ZNF234: variants seen among roughly 807,000 people sequenced by gnomAD.
ZNF234 encodes the protein C2-H2 type zinc finger protein.
In ZNF234, 4 loss-of-function variants were observed where a neutral mutation model predicts 10.3. The observed-to-expected ratio is 0.39, with a 90% CI of 0.19 to 0.89. ZNF234 has a LOEUF of 0.89. Ranked by LOEUF, ZNF234 falls within the 40% of genes least tolerant of loss-of-function variation. The pLI, the probability that ZNF234 is intolerant of heterozygous loss-of-function variation, is 0.38. For missense variants in ZNF234, 711 were observed against 836.1 expected (o/e 0.85, Z 1.85); for synonymous variants, 258 against 280.1 (o/e 0.92, Z 0.79).
Position 44,158,354 on chromosome 19 carries a change from T to G in ZNF234, c.*235T>G. On this transcript the variant is annotated 3_prime_UTR_variant, in exon 6 of 6. Coordinates refer to ENST00000426739, the MANE Select transcript of ZNF234 (RefSeq NM_006630.3). ...CTCACTGTAACCTCCACTTCCCGGG[T>G]TCAAGTGATTCTCCTGCCTCAGTGG... 2 of 476,452 alleles carry G rather than the reference T, an allele frequency of 4.2e-6. No homozygotes were observed. Among genetic ancestry groups the G allele is most frequent in the Non-Finnish European group, 7.7e-6 (2 of 261,062 alleles). The allele number at this position is 476,452 out of a possible 1,614,324, so 29.5% of individuals were successfully genotyped here.
At chr19:44,150,581 A>G (rs1968716591) in intron 5 of ZNF234, 76 bp downstream of exon 5, 4 of 1,290,154 alleles carry the variant, frequency 3.1e-6, no homozygotes, top group Non-Finnish European at 2.1e-6. Context: ...TCTTGCTGCC[A>G]TCGGGTCCAA....
chr19:44,150,374 A>G, intron 4 of ZNF234, 39 bp from the exon 5 acceptor site: 4 of 1,498,064 alleles, frequency 2.7e-6, no homozygotes, highest in Non-Finnish European at 3.6e-6. Flanking sequence ...TTGTACCTTT[A>G]GTGTGTTTGT....
Position 44,157,586 on chromosome 19 carries a change from G to A in ZNF234, c.1570G>A (p.Ala524Thr), listed in dbSNP as rs1043885665. The A allele has an allele frequency of 2.2e-5, 35 of 1,613,442 alleles. No individual in the cohort carries two copies. Among genetic ancestry groups the A allele is most frequent in the Non-Finnish European group, 3.0e-5 (35 of 1,179,864 alleles). Residue 524 changes from alanine to threonine, a missense_variant, in exon 6 of 6, where the codon GCC becomes ACC. By Grantham distance (58) the Ala-to-Thr change is moderately conservative. Coordinates refer to ENST00000426739, the MANE Select transcript of ZNF234 (RefSeq NM_006630.3). ...GGAGTGTGGGAAGGTCTTCAGTCAG[G>A]CCTCGCATCTTCTAACCCATCAGAG... ...CEECGKVFSQ[A>T]SHLLTHQRVH...
Position 44,147,583 on chromosome 19 carries a change from T to C in ZNF234, c.16-1188T>C, listed in dbSNP as rs566794651. On this transcript the variant is annotated intron_variant, in intron 3 of 5. Coordinates refer to ENST00000426739, the MANE Select transcript of ZNF234 (RefSeq NM_006630.3). ...ACGAAGGTAAGATCTGACAGTCGGGTGACTCATGCCTGTAATCCCAGAACT... is the reference window on the plus strand; with the variant it reads ...ACGAAGGTAAGATCTGACAGTCGGGCGACTCATGCCTGTAATCCCAGAACT... Among the ~76,000 whole-genome samples, 10 of 152,244 alleles carry C rather than the reference T, an allele frequency of 6.6e-5. No homozygotes were observed. In the South Asian group the frequency reaches 1.2e-3, roughly 19 times the overall value.
chr19:44,150,465 T>C lies in ZNF234; in HGVS notation c.195T>C (p.Leu65=). 1 of 1,589,888 alleles carries C rather than the reference T, an allele frequency of 6.3e-7. No individual in the cohort carries two copies. The highest frequency in any genetic ancestry group is 8.6e-7 in the Non-Finnish European group (1 of 1,167,370). Residue 65 remains leucine, a synonymous_variant, in exon 5 of 6, where the codon CTT becomes CTC. Transcript: ENST00000426739. ...TCCTTTTAGAAAAGGAAAAAAAGCT[T>C]GATATAATGAAGACAGCAACTCAAA... ...DVFLLEKEKK[L]DIMKTATQRK... is the part of the protein sequence containing the mutation.
At chr19:44,153,165 CAT>C (rs10528022) in intron 5 of ZNF234, among the ~76,000 whole-genome samples, 207 of 97,736 alleles carry the variant, frequency 2.1e-3, no homozygotes, top group Non-Finnish European at 2.8e-3. Context: ...ATGTATTCAT[CAT>C]ATATATATAT....
Position 44,156,378 on chromosome 19 carries a change from T to A in ZNF234, c.362T>A (p.Ile121Asn), listed in dbSNP as rs781631728. The A allele has an allele frequency of 5.6e-6, 9 of 1,613,616 alleles. No homozygotes were observed. Among genetic ancestry groups the A allele is most frequent in the Middle Eastern group, 1.7e-4 (1 of 6,060 alleles). The change falls in exon 6 of 6, where the codon ATT becomes AAT. Residue 121 changes from isoleucine (I) to asparagine (N), a missense_variant. Transcript: ENST00000426739. ...LIKYEDSMISISRFPRQGDLS... is the reference protein window; with the variant it reads ...LIKYEDSMISNSRFPRQGDLS... ...AAGTATGAAGACTCTATGATAAGTATTTCTCGGTTCCCCAGACAAGGTGAT... is the reference window on the plus strand; with the variant it reads ...AAGTATGAAGACTCTATGATAAGTAATTCTCGGTTCCCCAGACAAGGTGAT...
chr19:44,151,121 G>A (rs1968734809), intron 5 of ZNF234, among the ~76,000 whole-genome samples: 1 of 151,922 alleles, frequency 6.6e-6, no homozygotes, highest in Non-Finnish European at 1.5e-5. Context: ...GTGGTCTGCT[G>A]TTCATCCTCC....
chr19:44,145,088 C>T (rs58778698), intron 3 of ZNF234, among the ~76,000 whole-genome samples: 50,934 of 151,954 alleles, frequency 0.34, 8,736 homozygotes, highest in Middle Eastern at 0.42. Flanking sequence ...GCGTATTGAG[C>T]GACAACTGTA....
chr19:44,156,974 G>A lies in ZNF234; in HGVS notation c.958G>A (p.Asp320Asn), dbSNP rs769834173. 6.2e-7 allele frequency: 1 copy of A among 1,614,020 alleles called. No individual in the cohort carries two copies. The highest frequency in any genetic ancestry group is 1.1e-5 in the South Asian group (1 of 91,080). ...AGGAGAGAAACCATACAAATGTGAG[G>A]ACTGTGGTAAGTGTTTCACTTGTAG... ...HTGEKPYKCE[D>N]CGKCFTCSSN... The change falls in exon 6 of 6, where the codon GAC (aspartate) becomes AAC (asparagine). Residue 320 changes from aspartate to asparagine, a missense_variant. Asp to Asn is a conservative substitution (Grantham distance 23). Transcript: ENST00000426739.
At position 44,150,442 on chromosome 19, in the gene ZNF234, CT is replaced by C; in HGVS notation, c.176del (p.Leu59Ter). ...TCACCCCTTCAAACATGATGTATTC[CT>C]TTTAGAAAAGGAAAAAAAGCTTGAT... ...GHHPFKHDVF[L>X]LEKEKKLDIM... On this transcript the variant is annotated frameshift_variant, in exon 5 of 6. Transcript: ENST00000426739. LOFTEE classifies it high-confidence loss of function. The C allele has an allele frequency of 6.3e-7, 1 of 1,588,666 alleles. No homozygotes were observed. The highest frequency in any genetic ancestry group is 8.6e-7 in the Non-Finnish European group (1 of 1,166,910).
In ZNF234 at chr19:44,157,658, A is replaced by G. The variant is rs754453596; in HGVS notation, c.1642A>G (p.Ser548Gly). The G allele has an allele frequency of 7.4e-6, 12 of 1,613,454 alleles. No homozygotes were observed. The highest frequency in any genetic ancestry group is 3.3e-5 in the South Asian group (3 of 91,056). Residue 548 changes from serine to glycine, a missense_variant, in exon 6 of 6, where the codon AGC (serine) becomes GGC (glycine). Ser to Gly is a moderately conservative substitution (Grantham distance 56). Coordinates refer to ENST00000426739, the MANE Select transcript of ZNF234 (RefSeq NM_006630.3). ...KPFKCEECGKSFSRSAHLQAH... is the reference protein window; with the variant it reads ...KPFKCEECGKGFSRSAHLQAH... ...ATTTAAATGTGAAGAGTGTGGGAAG[A>G]GCTTCAGTCGGAGTGCACACCTTCA...
At position 44,157,641 on chromosome 19, in the gene ZNF234, G is replaced by T; in HGVS notation, c.1625G>T (p.Cys542Phe). ...CACAGTGGGGAAAAACCATTTAAAT[G>T]TGAAGAGTGTGGGAAGAGCTTCAGT... ...RVHSGEKPFK[C>F]EECGKSFSRS... The change falls in exon 6 of 6, where the codon TGT becomes TTT. Residue 542 changes from cysteine to phenylalanine, a missense_variant. Cys to Phe is a radical substitution (Grantham distance 205). Transcript: ENST00000426739. The T allele has an allele frequency of 6.2e-7, 1 of 1,614,102 alleles. No homozygotes were observed. The highest frequency in any genetic ancestry group is 1.3e-5 in the African/African-American group (1 of 75,008).
chr19:44,148,547 G>A (rs1008698535), intron 3 of ZNF234: 6 of 610,560 alleles, frequency 9.8e-6, no homozygotes, highest in Non-Finnish European at 1.8e-5. Flanking sequence ...ACTCAGTGAA[G>A]CCACAAAGGA....
intron 5 of ZNF234, among the ~76,000 whole-genome samples, chr19:44,151,477 A>G (rs1731727337): frequency 6.6e-6 from 1 of 152,190 alleles, no homozygotes; most frequent in South Asian, 2.1e-4. Flanking sequence ...GATTACAGGC[A>G]TGAGCCACTG....
intron 5 of ZNF234, among the ~76,000 whole-genome samples, chr19:44,152,803 C>T (rs1049392227): frequency 1.3e-5 from 2 of 152,108 alleles, no homozygotes; most frequent in Non-Finnish European, 2.9e-5. Context: ...TTCCAAAGTG[C>T]CCATCCGTAT....
chr19:44,149,238 G>A (rs1472518333), intron 4 of ZNF234, among the ~76,000 whole-genome samples: 1 of 152,098 alleles, frequency 6.6e-6, no homozygotes, highest in Admixed American at 6.6e-5. Context: ...TCGGGAGTTC[G>A]AGACCAGCCT....
intron 5 of ZNF234, 31 bp downstream of exon 5, chr19:44,150,536 C>T (rs545423111): frequency 1.2e-5 from 18 of 1,511,666 alleles, no homozygotes; most frequent in South Asian, 4.9e-5. Context: ...AGTCCTTGTA[C>T]GTGATTGTCC....
At chr19:44,147,957 A>T (rs8103838) in intron 3 of ZNF234, among the ~76,000 whole-genome samples, 77,790 of 152,140 alleles carry the variant, frequency 0.51, 22,495 homozygotes, top group African/African-American at 0.8. Flanking sequence ...ATATTCATTA[A>T]TTAGAACAGG....
Sources: allele counts gnomAD v4.1 joint callset (sites outside exome capture counted in the v4.1 genomes callset), GRCh38; gene constraint gnomAD v4.1.1; transcripts MANE v1.5; gene names NCBI Gene and HGNC (gene_info 2026-07-23, HGNC 2026-07-21).